Variants in PHF8 observed in about 807,000 individuals in gnomAD.
PHF8 encodes histone lysine demethylase PHF8.
PHF8 carries 9 observed loss-of-function variants against 74.4 expected under a neutral mutation model. The ratio of observed to expected loss-of-function variants is 0.12; its 90% CI spans 0.07 to 0.21. PHF8 has a LOEUF of 0.21. PHF8 is among the 10% of genes least tolerant of loss of function. PHF8 has a pLI of 1.00. For missense variants in PHF8, 478 were observed against 816.6 expected, an observed-to-expected ratio of 0.59 and a Z score of 5.05; for synonymous variants, 311 against 316.6, an observed-to-expected ratio of 0.98 and a Z score of 0.19.
At chrX:53,973,924 A>G (rs1603307762) in intron 18 of PHF8, among the ~76,000 whole-genome samples, 2 of 111,513 alleles carry the variant, frequency 1.8e-5, no homozygotes, top group East Asian at 5.6e-4. Flanking sequence ...CCAGAGTCTA[A>G]GAGGAACTTA....
At chrX:53,954,499 C>CAAAAAAAAAAAAAA (rs1180184175) in intron 19 of PHF8, among the ~76,000 whole-genome samples, 20 of 13,125 alleles carry the variant, frequency 1.5e-3, no homozygotes, top group African/African-American at 3.3e-3. Flanking sequence ...GACTCTGTCT[C>CAAAAAAAAAAAAAA]AAAAAAAAAA....
At chrX:54,016,311 T>C (rs2066068284) in intron 6 of PHF8, among the ~76,000 whole-genome samples, 1 of 110,231 alleles carries the variant, frequency 9.1e-6, no homozygotes. Context: ...CTGGCCAACA[T>C]GGTGAAACCC....
At chrX:53,955,501 A>G (rs1299317748) in intron 19 of PHF8, among the ~76,000 whole-genome samples, 2 of 109,962 alleles carry the variant, frequency 1.8e-5, no homozygotes, top group Non-Finnish European at 3.8e-5. Context: ...ATGATGGCCA[A>G]AAGTGAACAG....
intron 14 of PHF8, among the ~76,000 whole-genome samples, chrX:53,989,966 T>C (rs1431653823): frequency 1.8e-5 from 2 of 111,721 alleles, no homozygotes; most frequent in Non-Finnish European, 3.8e-5. Context: ...ACAGCTAAGA[T>C]AGACTTTGAC....
At chrX:54,047,042 C>T (rs1164951914), upstream of PHF8, among the ~76,000 whole-genome samples, 2 of 111,529 alleles carry the variant, frequency 1.8e-5, no homozygotes, top group East Asian at 5.6e-4. Context: ...ATTTTGTGAA[C>T]TTTATAAAAC....
rs781967433 is a variant in PHF8 at position 54,019,416 on chromosome X, T to C, written c.294-1595A>G. Among the ~76,000 whole-genome samples the C allele has an allele frequency of 3.6e-3, 399 of 109,829 alleles. 2 individuals carry two copies. The highest frequency in any genetic ancestry group is 0.012 in the African/African-American group (374 of 30,154). ...AGGTCAGGGCTGCAGTGAGTGGTGA[T>C]TGCACCACCCGACTCCAGCCTGTCT... On this transcript the variant is annotated intron_variant, in intron 4 of 21. Transcript: ENST00000338154.
Position 54,022,015 on chromosome X carries a change from T to C in PHF8, c.293+244A>G, listed in dbSNP as rs782090877. On this transcript the variant is annotated intron_variant, in intron 4 of 21. Coordinates refer to ENST00000338154, the MANE Select transcript of PHF8 (RefSeq NM_015107.3). ...ATGAGAGAATTAAACTTTCTGATCCTAAGACTCCTTCTAGTCAGCATTCCT... is the reference window on the plus strand; with the variant it reads ...ATGAGAGAATTAAACTTTCTGATCCCAAGACTCCTTCTAGTCAGCATTCCT... 2.7e-5 allele frequency among the ~76,000 whole-genome samples: 3 copies of C among 112,190 alleles called. No individual in the cohort carries two copies. The East Asian group carries it at 8.4e-4, about 31-fold the overall frequency.
At chrX:53,986,694 G>A (rs782209551) in intron 16 of PHF8, among the ~76,000 whole-genome samples, 2 of 111,778 alleles carry the variant, frequency 1.8e-5, no homozygotes, top group Admixed American at 9.5e-5. Context: ...AGCACTTTGG[G>A]AGGCCAAGGC....
chrX:54,016,493 CAAAAA>C, intron 6 of PHF8, 97 bp downstream of exon 6: 6 of 599,860 alleles, frequency 1.0e-5, no homozygotes, highest in African/African-American at 3.3e-5. Context: ...GACTCTGTCT[CAAAAA>C]AAAAAAAAAA....
intron 18 of PHF8, among the ~76,000 whole-genome samples, chrX:53,971,677 ACAAC>A (rs2065293103): frequency 8.9e-6 from 1 of 111,848 alleles, no homozygotes; most frequent in African/African-American, 3.2e-5. Flanking sequence ...AGAAATACAA[ACAAC>A]CATCAGAGAA....
chrX:53,966,069 A>C (rs1274341794), intron 18 of PHF8, among the ~76,000 whole-genome samples: 1 of 112,390 alleles, frequency 8.9e-6, no homozygotes, highest in Non-Finnish European at 1.9e-5. Context: ...AAGAACAAAA[A>C]GCAGCAATAG....
At chrX:54,020,665 G>C (rs2066155278) in intron 4 of PHF8, among the ~76,000 whole-genome samples, 1 of 111,748 alleles carries the variant, frequency 8.9e-6, no homozygotes, top group Non-Finnish European at 1.9e-5. Flanking sequence ...GAGGAGTCCA[G>C]AGTAGAGAGG....
intron 12 of PHF8, among the ~76,000 whole-genome samples, chrX:53,994,672 T>G (rs1328255655): frequency 1.8e-5 from 2 of 112,446 alleles, no homozygotes; most frequent in Non-Finnish European, 3.8e-5. Context: ...TCCTGAATGA[T>G]TTTGACAGAT....
chrX:53,979,345 G>A (rs1284199263), intron 18 of PHF8, among the ~76,000 whole-genome samples: 3 of 111,163 alleles, frequency 2.7e-5, no homozygotes, highest in African/African-American at 9.8e-5. Flanking sequence ...TTGCACCACT[G>A]CACCCCAGCC....
At chrX:53,957,338 C>T (rs907853028) in intron 19 of PHF8, among the ~76,000 whole-genome samples, 9 of 108,799 alleles carry the variant, frequency 8.3e-5, no homozygotes, top group African/African-American at 1.3e-4. Flanking sequence ...GGTGACAGAA[C>T]GACTCTGTCT....
intron 7 of PHF8, among the ~76,000 whole-genome samples, chrX:54,013,491 C>T (rs1303345189): frequency 9.0e-6 from 1 of 111,410 alleles, no homozygotes; most frequent in Non-Finnish European, 1.9e-5. Flanking sequence ...CATTTCCATA[C>T]ATGCTGATAT....
At chrX:54,016,292 G>A (rs1039569851) in intron 6 of PHF8, among the ~76,000 whole-genome samples, 1 of 110,526 alleles carries the variant, frequency 9.0e-6, no homozygotes, top group Non-Finnish European at 1.9e-5. Context: ...TAGGGAGTTC[G>A]AGACCAGCCT....
chrX:53,941,117 T>G (rs2064744648), intron 20 of PHF8, among the ~76,000 whole-genome samples: 1 of 112,197 alleles, frequency 8.9e-6, no homozygotes, highest in African/African-American at 3.2e-5. Context: ...ATAAATCTGG[T>G]TCAAATCCAG....
chrX:53,968,646 C>T (rs1457445876), intron 18 of PHF8, among the ~76,000 whole-genome samples: 2 of 112,516 alleles, frequency 1.8e-5, no homozygotes, highest in Non-Finnish European at 1.9e-5. Flanking sequence ...CGGTGGCTCA[C>T]GCCTGTAATC....
Sources: allele counts gnomAD v4.1 joint callset (sites outside exome capture counted in the v4.1 genomes callset), GRCh38; gene constraint gnomAD v4.1.1; transcripts MANE v1.5; gene names NCBI Gene and HGNC (gene_info 2026-07-23, HGNC 2026-07-21).